The following CADM2 variants were observed in gnomAD, a reference collection of about 807,000 sequenced individuals.
CADM2 encodes the protein immunoglobulin superfamily member 4D.
CADM2 carries 12 observed loss-of-function variants against 49.8 expected under a neutral mutation model. The ratio of observed to expected loss-of-function variants is 0.24; its 90% CI spans 0.15 to 0.39. The LOEUF (loss-of-function observed/expected upper bound fraction) is 0.39. CADM2 is among the 10% of genes least tolerant of loss of function. The pLI is 1.00. For missense variants in CADM2, 378 were observed against 492.3 expected (o/e 0.77, Z 2.20); for synonymous variants, 214 against 175.4 (o/e 1.22, Z -1.74).
chr3:85,154,029 C>T (rs1285260694), intron 1 of CADM2, among the ~76,000 whole-genome samples: 41 of 152,272 alleles, frequency 2.7e-4, no homozygotes, highest in Non-Finnish European at 4.3e-4. Context: ...AAAAGCAGAG[C>T]GCCTCTCCTC....
chr3:85,132,546 G>C (rs1309416513), intron 1 of CADM2, among the ~76,000 whole-genome samples: 1 of 151,816 alleles, frequency 6.6e-6, no homozygotes, highest in Admixed American at 6.6e-5. Flanking sequence ...AAGTGTTTTT[G>C]CAGTATTTTA....
intron 1 of CADM2, among the ~76,000 whole-genome samples, chr3:84,975,437 G>A (rs867050755): frequency 2.0e-5 from 3 of 151,366 alleles, no homozygotes; most frequent in Middle Eastern, 3.4e-3. Context: ...TGTAAGTTAC[G>A]TTTCTTAAGG....
At chr3:85,248,621 A>T (rs2042704654) in intron 1 of CADM2, among the ~76,000 whole-genome samples, 1 of 152,280 alleles carries the variant, frequency 6.6e-6, no homozygotes, top group Non-Finnish European at 1.5e-5. Context: ...TATTACGTGA[A>T]TGTTCATTAA....
intron 1 of CADM2, among the ~76,000 whole-genome samples, chr3:85,537,096 T>G (rs1203061859): frequency 6.6e-6 from 1 of 152,086 alleles, no homozygotes; most frequent in Non-Finnish European, 1.5e-5. Context: ...TTCTGAGAAT[T>G]GTTTCTTGAA....
At chr3:85,203,208 C>T (rs796422652) in intron 1 of CADM2, among the ~76,000 whole-genome samples, 26 of 152,300 alleles carry the variant, frequency 1.7e-4, no homozygotes, top group African/African-American at 6.3e-4. Context: ...AGCTTTCAGC[C>T]TAACTCGGCT....
intron 1 of CADM2, among the ~76,000 whole-genome samples, chr3:85,260,823 A>G (rs2042999478): frequency 6.6e-6 from 1 of 152,154 alleles, no homozygotes; most frequent in African/African-American, 2.4e-5. Context: ...ATCTATCATT[A>G]GTAACGAATT....
At chr3:84,968,210 A>G (rs1012066890) in intron 1 of CADM2, among the ~76,000 whole-genome samples, 1 of 151,894 alleles carries the variant, frequency 6.6e-6, no homozygotes, top group Admixed American at 6.6e-5. Context: ...GTCCAACTTC[A>G]GGATTCAAGA....
chr3:85,754,731 AT>A (rs1464161961), intron 2 of CADM2, among the ~76,000 whole-genome samples: 1 of 152,340 alleles, frequency 6.6e-6, no homozygotes, highest in East Asian at 1.9e-4. Flanking sequence ...GCCATTACTG[AT>A]TATTTCAAAT....
intron 1 of CADM2, among the ~76,000 whole-genome samples, chr3:85,311,013 C>T (rs1380364261): frequency 6.6e-6 from 1 of 152,192 alleles, no homozygotes; most frequent in East Asian, 1.9e-4. Flanking sequence ...TGAGAAAACA[C>T]TGCCAGACAT....
chr3:85,252,312 A>G lies in CADM2; in HGVS notation c.61+292644A>G, dbSNP rs939932006. On this transcript the variant is annotated intron_variant, in intron 1 of 9. Transcript: ENST00000383699. ...TCATAATTAAAATCCCCAAGGCTCA[A>G]AATGATTATATGACATCACCAGGTT... 9.9e-5 allele frequency among the ~76,000 whole-genome samples: 15 copies of G among 151,990 alleles called. 1 individual carries two copies. Among genetic ancestry groups the G allele is most frequent in the African/African-American group, 3.1e-4 (13 of 41,446 alleles).
At chr3:85,396,611 T>C (rs2107419499) in intron 1 of CADM2, among the ~76,000 whole-genome samples, 1 of 152,204 alleles carries the variant, frequency 6.6e-6, no homozygotes, top group South Asian at 2.1e-4. Flanking sequence ...TCATTATTTT[T>C]CAAGACTTTA....
At position 85,214,664 on chromosome 3, in the gene CADM2, T is replaced by C. The variant is rs114213977; in HGVS notation, c.61+254996T>C. On this transcript the variant is annotated intron_variant, in intron 1 of 9. Transcript: ENST00000383699. ...ACTGTGGCTGAGTTGGCAACCAAGC[T>C]GCAAGACAATGTCCTTCCCACTCTT... Among the ~76,000 whole-genome samples, 525 of 152,058 alleles carry C rather than the reference T, an allele frequency of 3.5e-3. 8 individuals are homozygous for C. The highest frequency in any genetic ancestry group is 0.011 in the African/African-American group (445 of 41,470).
At position 85,409,465 on chromosome 3, in the gene CADM2, G is replaced by A. The variant is rs567849665; in HGVS notation, c.62-317057G>A. Among the ~76,000 whole-genome samples the A allele has an allele frequency of 3.9e-5, 6 of 152,226 alleles. No homozygotes were observed. The East Asian group carries it at 1.2e-3, about 29-fold the overall frequency. On this transcript the variant is annotated intron_variant, in intron 1 of 9. Coordinates refer to ENST00000383699, the MANE Select transcript of CADM2 (RefSeq NM_001167675.2). ...ACTAAGAAGTTTGCCAGTTGACTAA[G>A]GGTAAAAATGCAGAGATATGGTCAG... is the stretch of plus-strand genomic sequence containing the variant.
intron 1 of CADM2, among the ~76,000 whole-genome samples, chr3:85,145,852 C>T (rs17022531): frequency 0.059 from 8,902 of 152,150 alleles, 873 homozygotes; most frequent in African/African-American, 0.2. Flanking sequence ...GTTATTTCCC[C>T]ATGATCCACC....
intron 1 of CADM2, among the ~76,000 whole-genome samples, chr3:84,993,208 A>T (rs939533526): frequency 1.3e-5 from 2 of 152,124 alleles, no homozygotes; most frequent in Admixed American, 6.6e-5. Flanking sequence ...AGAGTTAAGG[A>T]GGCAATTCCT....
chr3:85,374,906 G>A (rs2033494640), intron 1 of CADM2, among the ~76,000 whole-genome samples: 1 of 151,878 alleles, frequency 6.6e-6, no homozygotes, highest in Admixed American at 6.6e-5. Flanking sequence ...ATTTGGGTGG[G>A]GACACAGCGA....
Position 85,098,833 on chromosome 3 carries a change from A to G in CADM2, c.61+139165A>G, listed in dbSNP as rs9845483. Among the ~76,000 whole-genome samples the G allele has an allele frequency of 3.6e-3, 541 of 152,314 alleles. 5 individuals carry two copies. The highest frequency in any genetic ancestry group is 0.013 in the African/African-American group (521 of 41,566). On this transcript the variant is annotated intron_variant, in intron 1 of 9. Transcript: ENST00000383699. ...GTTTGGTTGAAAAACAAATCCGCGT[A>G]TAAGTGGAGCCATGCAGTTCAAACC...
chr3:85,905,187 A>G (rs1716635915), intron 5 of CADM2, among the ~76,000 whole-genome samples: 3 of 152,126 alleles, frequency 2.0e-5, no homozygotes, highest in Admixed American at 1.3e-4. Context: ...ACTCTAATCT[A>G]GTTGATCTGC....
In CADM2 at chr3:85,726,969, A is replaced by G. The variant is rs914727848; in HGVS notation, c.88+421A>G. ...TAAAATTTAATCTTCTAAAAACTGAATATTATAAGCTATCGATTTCTATTT... is the reference window on the plus strand; with the variant it reads ...TAAAATTTAATCTTCTAAAAACTGAGTATTATAAGCTATCGATTTCTATTT... On this transcript the variant is annotated intron_variant, in intron 2 of 9. Transcript: ENST00000383699. 1.1e-4 allele frequency among the ~76,000 whole-genome samples: 16 copies of G among 152,110 alleles called. 1 individual carries two copies. Among genetic ancestry groups the G allele is most frequent in the Admixed American group, 9.2e-4 (14 of 15,258 alleles).
Sources: gnomAD v4.1 joint callset for allele counts (sites outside exome capture counted in the v4.1 genomes callset) on GRCh38, gnomAD v4.1.1 for gene constraint, MANE v1.5 for transcripts, NCBI Gene and HGNC (gene_info 2026-07-23, HGNC 2026-07-21) for gene names.